MTUS1: variants seen among roughly 807,000 people sequenced by gnomAD.
MTUS1 encodes microtubule associated scaffold protein 1.
In MTUS1, 109 loss-of-function variants were observed where a neutral mutation model predicts 120.8. That is an observed-to-expected ratio of 0.90 (90% CI 0.77 to 1.06). MTUS1 has a LOEUF of 1.06. Ranked by LOEUF, MTUS1 falls within the 50% of genes least tolerant of loss-of-function variation. The pLI, the probability that MTUS1 is intolerant of heterozygous loss-of-function variation, is 0.00. For synonymous variants in MTUS1, 737 were observed against 550.5 expected (o/e 1.34, Z -4.74); for missense variants, 2,210 against 1,486.3 (o/e 1.49, Z -8.01).
At chr8:17,657,763 G>A (rs1218519866) in intron 8 of MTUS1, among the ~76,000 whole-genome samples, 2 of 137,096 alleles carry the variant, frequency 1.5e-5, no homozygotes, top group African/African-American at 2.7e-5. Flanking sequence ...GGAGATTGAG[G>A]CTGCAACTGT....
chr8:17,695,997 A>G (rs995107810), intron 6 of MTUS1, among the ~76,000 whole-genome samples: 3 of 152,178 alleles, frequency 2.0e-5, no homozygotes, highest in Non-Finnish European at 2.9e-5. Flanking sequence ...AGTATTTTTA[A>G]AAGAACTCTT....
At position 17,675,178 on chromosome 8, in the gene MTUS1, G is replaced by A; in HGVS notation, c.2905+8C>T. The A allele has an allele frequency of 6.2e-7, 1 of 1,613,910 alleles. No homozygotes were observed. Among genetic ancestry groups the A allele is most frequent in the Non-Finnish European group, 8.5e-7 (1 of 1,179,848 alleles). ...TAAAATTTAACAACAACAACAAAAA[G>A]CTCTTACCTAGCTCTCCCCGGAGGT... On this transcript the variant is annotated splice_region_variant and intron_variant, in intron 8 of 14. Transcript: ENST00000693296.
intron 1 of MTUS1, among the ~76,000 whole-genome samples, chr8:17,796,456 C>A (rs1215865271): frequency 6.6e-6 from 1 of 152,178 alleles, no homozygotes; most frequent in East Asian, 1.9e-4. Context: ...CTTCCAAGTT[C>A]GACCTTGTTC....
rs1812325745 is a variant in MTUS1 at position 17,672,974 on chromosome 8, G to C, written c.2905+2212C>G. On this transcript the variant is annotated intron_variant, in intron 8 of 14. Coordinates refer to ENST00000693296, the MANE Select transcript of MTUS1 (RefSeq NM_001363059.2). The stretch of plus-strand genomic sequence containing the variant: ...CATTGAAGCAGAGCGAATGGGCACA[G>C]TGTTCCATTCTCATTGCTGCCTTGT... Among the ~76,000 whole-genome samples, 5 of 152,216 alleles carry C rather than the reference G, an allele frequency of 3.3e-5. No homozygotes were observed. The South Asian group carries it at 1.0e-3, about 32-fold the overall frequency.
intron 1 of MTUS1, among the ~76,000 whole-genome samples, chr8:17,776,258 ATG>A (rs773309476): frequency 5.3e-5 from 8 of 151,788 alleles, no homozygotes; most frequent in Non-Finnish European, 1.2e-4. Context: ...CTATGGAAGG[ATG>A]TGTTTTTATA....
At chr8:17,697,419 T>A in intron 6 of MTUS1, 1 of 1,611,362 alleles carries the variant, frequency 6.2e-7, no homozygotes, top group South Asian at 1.1e-5. Context: ...AGAGGCAATT[T>A]CCATGGACTG....
intron 3 of MTUS1, among the ~76,000 whole-genome samples, chr8:17,727,096 C>T (rs114127335): frequency 1.3e-5 from 2 of 152,280 alleles, no homozygotes; most frequent in African/African-American, 4.8e-5. Flanking sequence ...TCACCCCCAT[C>T]CAGGCCCATC....
intron 6 of MTUS1, among the ~76,000 whole-genome samples, chr8:17,711,966 G>A (rs1266842655): frequency 2.0e-5 from 3 of 152,174 alleles, no homozygotes; most frequent in Non-Finnish European, 4.4e-5. Context: ...TGTGTTCACT[G>A]TCTTAGATGA....
intron 6 of MTUS1, among the ~76,000 whole-genome samples, chr8:17,700,627 T>G (rs1818884644): frequency 6.6e-6 from 1 of 152,128 alleles, no homozygotes; most frequent in African/African-American, 2.4e-5. Flanking sequence ...TCACCAATGC[T>G]CTGGGAGGTA....
intron 1 of MTUS1, among the ~76,000 whole-genome samples, chr8:17,796,360 T>TA (rs2052238388): frequency 1.6e-4 from 1 of 6,292 alleles, no homozygotes; most frequent in Admixed American, 1.3e-3. Flanking sequence ...GTCTAAACTT[T>TA]AATGAACAAA....
chr8:17,653,558 A>G, intron 10 of MTUS1, 60 bp from the exon 11 acceptor site: 3 of 1,218,196 alleles, frequency 2.5e-6, no homozygotes, highest in Non-Finnish European at 3.6e-6. Flanking sequence ...ATGTACTCTA[A>G]AACAGTTAAA....
At position 17,653,247 on chromosome 8, in the gene MTUS1, G is replaced by C. The variant is rs1208398892; in HGVS notation, c.3323C>G (p.Ala1108Gly). 1.9e-6 allele frequency: 3 copies of C among 1,556,780 alleles called. No individual in the cohort carries two copies. The highest frequency in any genetic ancestry group is 1.7e-6 in the Non-Finnish European group (2 of 1,156,366). The change falls in exon 12 of 15, where the codon GCT becomes GGT. Residue 1108 changes from alanine (A) to glycine (G), a missense_variant. Transcript: ENST00000693296. ...QINDLKSEND[A>G]LNEKLKSEEQ... ...TTCTGATTTCAATTTTTCATTTAAA[G>C]CATCATTTTCACTCTTCAGATCATT...
At chr8:17,733,015 C>T (rs1301486204) in intron 3 of MTUS1, among the ~76,000 whole-genome samples, 1 of 152,148 alleles carries the variant, frequency 6.6e-6, no homozygotes, top group Non-Finnish European at 1.5e-5. Context: ...ATTTAAGTCA[C>T]TCCAGTTCAA....
intron 3 of MTUS1, among the ~76,000 whole-genome samples, chr8:17,729,361 C>T (rs1490113284): frequency 6.6e-6 from 1 of 152,138 alleles, no homozygotes; most frequent in Non-Finnish European, 1.5e-5. Flanking sequence ...TGTTTAAGAA[C>T]TTAGCTTCAA....
chr8:17,710,816 G>C (rs369227082), intron 6 of MTUS1, among the ~76,000 whole-genome samples: 2 of 152,178 alleles, frequency 1.3e-5, no homozygotes, highest in African/African-American at 4.8e-5. Flanking sequence ...ATTACTCCTT[G>C]ATCCATGGGC....
chr8:17,743,729 T>G lies in MTUS1; in HGVS notation c.2162A>C (p.Gln721Pro), dbSNP rs2131269899. The change falls in exon 3 of 15, where the codon CAA (glutamine) becomes CCA (proline). Residue 721 changes from glutamine (Q) to proline (P), a missense_variant. Gln to Pro is a moderately conservative substitution (Grantham distance 76, BLOSUM62 -1). Coordinates refer to ENST00000693296, the MANE Select transcript of MTUS1 (RefSeq NM_001363059.2). Reference protein sequence around the residue: ...ISKPDSCGLRQIAAPKAKVGP... With the variant: ...ISKPDSCGLRPIAAPKAKVGP... ...CACTTTGGCTTTTGGAGCAGCTATTTGCCTCAAACCGCAGGAGTCAGGCTT... is the reference window on the plus strand; with the variant it reads ...CACTTTGGCTTTTGGAGCAGCTATTGGCCTCAAACCGCAGGAGTCAGGCTT... 1.9e-6 allele frequency: 3 copies of G among 1,614,246 alleles called. No homozygotes were observed. The highest frequency in any genetic ancestry group is 2.5e-6 in the Non-Finnish European group (3 of 1,180,046).
chr8:17,675,588 C>T (rs1334563627), intron 7 of MTUS1, among the ~76,000 whole-genome samples: 1 of 152,166 alleles, frequency 6.6e-6, no homozygotes, highest in African/African-American at 2.4e-5. Flanking sequence ...GTAATGCGTT[C>T]TCCTCCTCCA....
intron 3 of MTUS1, among the ~76,000 whole-genome samples, chr8:17,725,350 T>C (rs1366587034): frequency 6.6e-6 from 1 of 152,204 alleles, no homozygotes; most frequent in Non-Finnish European, 1.5e-5. Flanking sequence ...TCCTCAGGCC[T>C]GGCATTTGAA....
intron 9 of MTUS1, among the ~76,000 whole-genome samples, chr8:17,655,560 C>G (rs1212272135): frequency 6.6e-6 from 1 of 152,056 alleles, no homozygotes; most frequent in Admixed American, 6.5e-5. Context: ...CCCGTCTCTA[C>G]TAAAAATACA....
Sources: gnomAD v4.1 joint callset for allele counts (sites outside exome capture counted in the v4.1 genomes callset) on GRCh38, gnomAD v4.1.1 for gene constraint, MANE v1.5 for transcripts, NCBI Gene and HGNC (gene_info 2026-07-23, HGNC 2026-07-21) for gene names.